The following KLRB1 variants were observed in gnomAD, a reference collection of about 807,000 sequenced individuals.
KLRB1 encodes killer cell lectin like receptor B1, also known as killer cell lectin-like receptor subfamily B member 1.
A neutral mutation model predicts 33.5 loss-of-function variants in KLRB1; 27 were observed. That is an observed-to-expected ratio of 0.81 (90% CI 0.59 to 1.11). KLRB1 has a LOEUF of 1.11. Ranked by LOEUF, KLRB1 falls within the 50% of genes most tolerant of loss-of-function variation. The pLI is 0.00. For synonymous variants in KLRB1, 64 were observed against 88.9 expected (o/e 0.72, Z 1.58); for missense variants, 241 against 254.1 (o/e 0.95, Z 0.35).
intron 1 of KLRB1, among the ~76,000 whole-genome samples, 160 bp from the exon 2 acceptor site, chr12:9,601,759 A>G (rs1021474114): frequency 8.5e-5 from 13 of 152,220 alleles, no homozygotes; most frequent in African/African-American, 2.7e-4. Context: ...ACCTCTATCC[A>G]TCATTCTAAA....
intron 4 of KLRB1, 46 bp from the exon 5 acceptor site, chr12:9,598,207 G>A: frequency 7.9e-7 from 1 of 1,267,140 alleles, no homozygotes; most frequent in Non-Finnish European, 1.1e-6. Context: ...TCTATTCCTG[G>A]TTTGATCCCC....
At chr12:9,599,496 A>G (rs1436306526) in intron 3 of KLRB1, among the ~76,000 whole-genome samples, 1 of 152,240 alleles carries the variant, frequency 6.6e-6, no homozygotes, top group East Asian at 1.9e-4. Context: ...GTATCCTAGC[A>G]GAGGCTCCTC....
chr12:9,601,372 A>C (rs200432158), intron 2 of KLRB1, 129 bp downstream of exon 2: 1 of 601,174 alleles, frequency 1.7e-6, no homozygotes, highest in South Asian at 2.0e-5. Context: ...TTCTTTTCCA[A>C]ATCTCTCGTC....
intron 1 of KLRB1, among the ~76,000 whole-genome samples, chr12:9,605,652 G>A (rs1864591403): frequency 6.6e-6 from 1 of 152,184 alleles, no homozygotes; most frequent in Non-Finnish European, 1.5e-5. Context: ...TCTCCTTCTG[G>A]TTTTGTTGAC....
chr12:9,596,582 C>T (rs763674709), intron 5 of KLRB1, among the ~76,000 whole-genome samples: 12 of 152,174 alleles, frequency 7.9e-5, no homozygotes, highest in East Asian at 1.9e-4. Context: ...TCTACTATAA[C>T]GTGATACCTT....
At chr12:9,600,388 C>G (rs185479437) in intron 2 of KLRB1, among the ~76,000 whole-genome samples, 7 of 152,154 alleles carry the variant, frequency 4.6e-5, no homozygotes, top group Admixed American at 3.9e-4. Context: ...TATGGACTGA[C>G]TGTTAGAAAC....
intron 5 of KLRB1, among the ~76,000 whole-genome samples, chr12:9,596,243 C>G (rs941833677): frequency 1.3e-5 from 2 of 152,160 alleles, no homozygotes; most frequent in Non-Finnish European, 2.9e-5. Flanking sequence ...GGCTGCTTGT[C>G]TGATTTCTTC....
In KLRB1 at chr12:9,606,756, A is replaced by ATTTTTTTT. The variant is rs1188705968; in HGVS notation, c.85+998_85+999insAAAAAAAA. Among the ~76,000 whole-genome samples the ATTTTTTTT allele has an allele frequency of 2.1e-3, 66 of 31,534 alleles. 3 individuals carry two copies. Among genetic ancestry groups the ATTTTTTTT allele is most frequent in the Admixed American group, 4.1e-3 (8 of 1,974 alleles). 20.7% of individuals were successfully genotyped at this position (31,534 alleles called of 152,430 possible). A position where few individuals can be genotyped will look rare whatever the true frequency, so the allele number is the denominator to read the frequency against. Reference sequence around the variant, plus strand: ...AAAGTATATATATATATATATATATATATATTTTTTTTTTTTTTTTGAGAT... The same window carrying ATTTTTTTT: ...AAAGTATATATATATATATATATATATTTTTTTTTATATTTTTTTTTTTTTTTTGAGAT... On this transcript the variant is annotated intron_variant, in intron 1 of 5. Coordinates refer to ENST00000229402, the MANE Select transcript of KLRB1 (RefSeq NM_002258.3).
chr12:9,607,362 T>TTCTTTCTTTCTTTCTTTCTTTCTC (rs1864626982), intron 1 of KLRB1, among the ~76,000 whole-genome samples: 5 of 78,784 alleles, frequency 6.3e-5, no homozygotes, highest in African/African-American at 1.9e-4. Context: ...CTTCCTTTCT[T>TTCTTTCTTTCTTTCTTTCTTTCTC]TCTTTCTTTC....
intron 1 of KLRB1, among the ~76,000 whole-genome samples, chr12:9,606,669 A>G (rs1263411257): frequency 1.1e-5 from 1 of 94,182 alleles, no homozygotes; most frequent in East Asian, 2.1e-4. Context: ...TATATAAAAT[A>G]TATAAAATAT....
At chr12:9,606,648 T>TTATA (rs10667765) in intron 1 of KLRB1, among the ~76,000 whole-genome samples, 1,060 of 94,924 alleles carry the variant, frequency 0.011, 15 homozygotes, top group Non-Finnish European at 0.014. Flanking sequence ...AGCCTACACT[T>TTATA]TATATATATA....
At chr12:9,606,760 A>ATATATTTTTTTTTTT (rs1336534922) in intron 1 of KLRB1, among the ~76,000 whole-genome samples, 1 of 63,744 alleles carries the variant, frequency 1.6e-5, no homozygotes, top group African/African-American at 8.3e-5. Flanking sequence ...ATATATATAT[A>ATATATTTTTTTTTTT]TTTTTTTTTT....
In KLRB1 at chr12:9,601,598, A is replaced by T. The variant is rs781679407; in HGVS notation, c.87T>A (p.Asp29Glu). 19 of 1,605,410 alleles carry T rather than the reference A, an allele frequency of 1.2e-5. No individual in the cohort carries two copies. Among genetic ancestry groups the T allele is most frequent in the Non-Finnish European group, 1.5e-5 (18 of 1,173,634 alleles). ...ESSSPSSLPRDVCQGSPWHQF... is the reference protein window; with the variant it reads ...ESSSPSSLPREVCQGSPWHQF... The stretch of plus-strand genomic sequence containing the variant: ...GATGCCAAGGTGAACCCTGACAGAC[A>T]TCTGAAAAGTTAAAAAGAAAAACAC... Residue 29 changes from aspartate to glutamate, a missense_variant and splice_region_variant, in exon 2 of 6, where the codon GAT (aspartate) becomes GAA (glutamate). By Grantham distance (45) the Asp-to-Glu change is conservative. Transcript: ENST00000229402.
At chr12:9,605,625 C>T (rs977935831) in intron 1 of KLRB1, among the ~76,000 whole-genome samples, 1 of 152,192 alleles carries the variant, frequency 6.6e-6, no homozygotes, top group African/African-American at 2.4e-5. Context: ...TAAGCAAGAT[C>T]GGTTATCACT....
Position 9,598,647 on chromosome 12 carries a change from G to A in KLRB1, c.266C>T (p.Pro89Leu), listed in dbSNP as rs767621944. 24 of 1,605,264 alleles carry A rather than the reference G, an allele frequency of 1.5e-5. No individual in the cohort carries two copies. The highest frequency in any genetic ancestry group is 3.4e-5 in the Admixed American group (2 of 58,436). Residue 89 changes from proline to leucine, a missense_variant, in exon 4 of 6, where the codon CCG becomes CTG. Transcript: ENST00000229402. ...ATATATTGGGCAGTTTAAGAGACCC[G>A]GTCTCTCTAAAGTAAAAAACAGAAA... ...QQSRNKTTERPGLLNCPIYWQ... is the reference protein window; with the variant it reads ...QQSRNKTTERLGLLNCPIYWQ...
chr12:9,601,854 A>C (rs1189261653), intron 1 of KLRB1, among the ~76,000 whole-genome samples: 1 of 152,214 alleles, frequency 6.6e-6, no homozygotes, highest in East Asian at 1.9e-4. Flanking sequence ...TGTGTATACA[A>C]AGGATTGGTG....
At position 9,595,184 on chromosome 12, in the gene KLRB1, G is replaced by T; in HGVS notation, c.*90C>A. The stretch of plus-strand genomic sequence containing the variant: ...AATTGTTCACTTTGTGCCACTAAAT[G>T]TGGCACTATTAGGTAGTACCAATAG... On this transcript the variant is annotated 3_prime_UTR_variant, in exon 6 of 6. Coordinates refer to ENST00000229402, the MANE Select transcript of KLRB1 (RefSeq NM_002258.3). 9.4e-7 allele frequency: 1 copy of T among 1,058,832 alleles called. No homozygotes were observed. The highest frequency in any genetic ancestry group is 1.4e-6 in the Non-Finnish European group (1 of 712,552). 65.6% of individuals were successfully genotyped at this position (1,058,832 alleles called of 1,614,324 possible). A position where few individuals can be genotyped will look rare whatever the true frequency, so the allele number is the denominator to read the frequency against.
At chr12:9,604,839 A>G (rs1166674256) in intron 1 of KLRB1, among the ~76,000 whole-genome samples, 1 of 151,544 alleles carries the variant, frequency 6.6e-6, no homozygotes, top group Non-Finnish European at 1.5e-5. Context: ...CATTTTTTTA[A>G]TTTTTATTTT....
In KLRB1 at chr12:9,607,588, T is replaced by C. The variant is rs184673867; in HGVS notation, c.85+167A>G. ...AATAAATGTATGAGGTTTAAATTTT[T>C]TTTCCCAAAGTTGTGATTATCTACA... On this transcript the variant is annotated intron_variant, in intron 1 of 5. Transcript: ENST00000229402. The C allele has an allele frequency of 1.2e-4, 65 of 563,444 alleles. No individual in the cohort carries two copies. The East Asian group carries it at 1.9e-3, about 17-fold the overall frequency. 34.9% of individuals were successfully genotyped at this position (563,444 alleles called of 1,614,324 possible).
Sources: gnomAD v4.1 joint callset for allele counts (sites outside exome capture counted in the v4.1 genomes callset) on GRCh38, gnomAD v4.1.1 for gene constraint, MANE v1.5 for transcripts, NCBI Gene and HGNC (gene_info 2026-07-23, HGNC 2026-07-21) for gene names.